NEXMIF: variants seen among roughly 807,000 people sequenced by gnomAD.
The protein encoded by NEXMIF is XLMR protein related to neurite extension.
NEXMIF carries 8 observed loss-of-function variants against 62.1 expected under a neutral mutation model. That is an observed-to-expected ratio of 0.13 (90% CI 0.08 to 0.23). The LOEUF is 0.23. Among genes scored for constraint, NEXMIF ranks in the 10% least tolerant of loss-of-function variants. NEXMIF has a pLI of 1.00. For missense variants in NEXMIF, 976 were observed against 1,113.3 expected, an observed-to-expected ratio of 0.88 and a Z score of 1.75; for synonymous variants, 404 against 416.6, an observed-to-expected ratio of 0.97 and a Z score of 0.37.
intron 1 of NEXMIF, among the ~76,000 whole-genome samples, chrX:74,917,464 C>A (rs1206803232): frequency 2.7e-5 from 3 of 112,177 alleles, no homozygotes; most frequent in Non-Finnish European, 5.6e-5. Flanking sequence ...GACTAATATA[C>A]CACCTATTAC....
rs186228965 is a variant in NEXMIF at position 74,800,166 on chromosome X, T to C, written c.-47-54469A>G. Among the ~76,000 whole-genome samples, 570 of 111,744 alleles carry C rather than the reference T, an allele frequency of 5.1e-3. 7 individuals carry two copies. Among genetic ancestry groups the C allele is most frequent in the African/African-American group, 0.017 (537 of 30,784 alleles). ...GTCAAAAGACTGAAACTACACAAAG[T>C]ATCCACTAATTTGCATGTAACCTTG... On this transcript the variant is annotated intron_variant, in intron 1 of 3. Transcript: ENST00000055682.
chrX:74,793,253 A>G (rs2080292266), intron 1 of NEXMIF, among the ~76,000 whole-genome samples: 1 of 110,332 alleles, frequency 9.1e-6, no homozygotes, highest in African/African-American at 3.3e-5. Context: ...TTGGCTGGAT[A>G]TGAAATTCTG....
intron 1 of NEXMIF, among the ~76,000 whole-genome samples, chrX:74,791,619 G>T (rs2080283396): frequency 9.0e-6 from 1 of 110,891 alleles, no homozygotes; most frequent in South Asian, 3.9e-4. Context: ...GACTCTTTTT[G>T]GTTGGTAAGC....
chrX:74,869,132 C>G (rs181276629), intron 1 of NEXMIF, among the ~76,000 whole-genome samples: 262 of 111,647 alleles, frequency 2.3e-3, no homozygotes, highest in Non-Finnish European at 3.6e-3. Flanking sequence ...TTTATTATAA[C>G]TGAGATTTAT....
rs775018826 is a variant in NEXMIF at position 74,744,401 on chromosome X, C to T, written c.156G>A (p.Val52=). 2 of 1,210,001 alleles carry T rather than the reference C, an allele frequency of 1.7e-6. No homozygotes were observed. Among genetic ancestry groups the T allele is most frequent in the South Asian group, 1.8e-5 (1 of 56,752 alleles). The change falls in exon 3 of 4, where the codon GTG becomes GTA. Residue 52 remains valine (V), a synonymous_variant. Transcript: ENST00000055682. ...GATACATCAGGGTCTCTTTTTGTGCCACCGGTGTAGGCTGGATAGGTGCAG... is the reference window on the plus strand; with the variant it reads ...GATACATCAGGGTCTCTTTTTGTGCTACCGGTGTAGGCTGGATAGGTGCAG... ...EAAAPIQPTP[V]AQKETLMYPR...
chrX:74,778,467 C>G (rs191784717), intron 1 of NEXMIF, among the ~76,000 whole-genome samples: 2 of 111,158 alleles, frequency 1.8e-5, no homozygotes, highest in Admixed American at 1.9e-4. Flanking sequence ...CGCTCTCTCG[C>G]CCAGGCTGGA....
At chrX:74,739,549 TC>T (rs749166407) in intron 3 of NEXMIF, 51 bp from the exon 4 acceptor site, 1 of 785,604 alleles carries the variant, frequency 1.3e-6, no homozygotes, top group Non-Finnish European at 1.9e-6. Context: ...TTAGTGTATG[TC>T]CCACAAAGGG....
chrX:74,921,960 T>C (rs1297194716), intron 1 of NEXMIF, among the ~76,000 whole-genome samples: 1 of 111,879 alleles, frequency 8.9e-6, no homozygotes, highest in Admixed American at 9.5e-5. Flanking sequence ...CTAAGGGATA[T>C]ACAGAAGAAA....
intron 1 of NEXMIF, among the ~76,000 whole-genome samples, chrX:74,829,841 T>C (rs1337976571): frequency 2.7e-5 from 3 of 112,195 alleles, no homozygotes; most frequent in Non-Finnish European, 3.8e-5. Context: ...TTGCCATTTA[T>C]ATTTCTTCTT....
intron 1 of NEXMIF, among the ~76,000 whole-genome samples, chrX:74,781,384 A>G (rs1421705888): frequency 8.9e-6 from 1 of 112,321 alleles, no homozygotes; most frequent in African/African-American, 3.2e-5. Context: ...ACAACAAACC[A>G]TAACGTTTGA....
intron 1 of NEXMIF, among the ~76,000 whole-genome samples, chrX:74,759,695 T>C (rs951346152): frequency 1.8e-5 from 2 of 111,604 alleles, no homozygotes; most frequent in Non-Finnish European, 3.8e-5. Flanking sequence ...ATTAGATGGC[T>C]ATAGGTGAGA....
At chrX:74,801,633 C>A (rs1230431288) in intron 1 of NEXMIF, among the ~76,000 whole-genome samples, 4 of 111,978 alleles carry the variant, frequency 3.6e-5, no homozygotes, top group Admixed American at 9.5e-5. Context: ...CATCACATTC[C>A]CAGCTTTGGT....
At chrX:74,869,137 A>G (rs1029699091) in intron 1 of NEXMIF, among the ~76,000 whole-genome samples, 5 of 111,997 alleles carry the variant, frequency 4.5e-5, no homozygotes, top group Admixed American at 1.9e-4. Context: ...TATAACTGAG[A>G]TTTATCCCAG....
At chrX:74,791,835 A>G (rs2080284485) in intron 1 of NEXMIF, among the ~76,000 whole-genome samples, 1 of 110,489 alleles carries the variant, frequency 9.1e-6, no homozygotes, top group Non-Finnish European at 1.9e-5. Context: ...CCCCTTTATC[A>G]TTTTTTATTG....
At chrX:74,856,146 T>C (rs894348335) in intron 1 of NEXMIF, among the ~76,000 whole-genome samples, 1 of 112,058 alleles carries the variant, frequency 8.9e-6, no homozygotes, top group Non-Finnish European at 1.9e-5. Flanking sequence ...ATTATAAATA[T>C]GTTCATAAAC....
intron 1 of NEXMIF, among the ~76,000 whole-genome samples, chrX:74,853,457 T>G (rs2080523221): frequency 9.3e-6 from 1 of 108,039 alleles, no homozygotes. Context: ...ATTAACATAG[T>G]GACAAGCAAA....
chrX:74,798,739 C>T (rs1432687331), intron 1 of NEXMIF, among the ~76,000 whole-genome samples: 1 of 110,983 alleles, frequency 9.0e-6, no homozygotes, highest in Admixed American at 9.6e-5. Flanking sequence ...ATTAACATAT[C>T]CCTATTGATG....
intron 1 of NEXMIF, among the ~76,000 whole-genome samples, chrX:74,788,563 C>T (rs758794094): frequency 1.8e-5 from 2 of 110,928 alleles, no homozygotes; most frequent in Admixed American, 9.7e-5. Flanking sequence ...TTCTATGCTT[C>T]CTTTACTTTG....
chrX:74,752,790 G>T (rs966237591), intron 1 of NEXMIF, among the ~76,000 whole-genome samples: 1 of 111,765 alleles, frequency 8.9e-6, no homozygotes, highest in African/African-American at 3.3e-5. Flanking sequence ...CTTTGTGAAA[G>T]AATTTTATTT....
Sources: gnomAD v4.1 joint callset for allele counts (sites outside exome capture counted in the v4.1 genomes callset) on GRCh38, gnomAD v4.1.1 for gene constraint, MANE v1.5 for transcripts, NCBI Gene and HGNC (gene_info 2026-07-23, HGNC 2026-07-21) for gene names.